The following ALDH3A1 variants were observed in gnomAD, a reference collection of about 807,000 sequenced individuals.
The protein encoded by ALDH3A1 is aldehyde dehydrogenase 3 family member A1, also known as aldehyde dehydrogenase, dimeric NADP-preferring.
ALDH3A1 carries 46 observed loss-of-function variants against 49.9 expected under a neutral mutation model. The ratio of observed to expected loss-of-function variants is 0.92; its 90% CI spans 0.73 to 1.18. ALDH3A1 has a LOEUF of 1.18. Ranked by LOEUF, ALDH3A1 falls within the 50% of genes most tolerant of loss-of-function variation. The probability of loss-of-function intolerance (pLI) is 0.00; values close to 1 mark genes in which losing one functional copy is unlikely to be tolerated. For missense variants in ALDH3A1, 592 were observed against 611.8 expected (o/e 0.97, Z 0.34); for synonymous variants, 269 against 253.3 (o/e 1.06, Z -0.59).
At chr17:19,744,375 C>A (rs896041209) in intron 2 of ALDH3A1, 1 of 965,196 alleles carries the variant, frequency 1.0e-6, no homozygotes, top group Non-Finnish European at 1.2e-6. Flanking sequence ...TACACTCCAG[C>A]CTGGGCGACA....
chr17:19,738,011 C>G lies in ALDH3A1; in HGVS notation c.*210G>C. 2 of 1,488,128 alleles carry G rather than the reference C, an allele frequency of 1.3e-6. No individual in the cohort carries two copies. The highest frequency in any genetic ancestry group is 1.4e-5 in the African/African-American group (1 of 72,010). The allele number at this position is 1,488,128 out of a possible 1,614,324, so 92.2% of individuals were successfully genotyped here. On this transcript the variant is annotated 3_prime_UTR_variant, in exon 11 of 11. Coordinates refer to ENST00000225740, the MANE Select transcript of ALDH3A1 (RefSeq NM_000691.5). Reference sequence around the variant, plus strand: ...TGCTGAGTTAGAAAATTGTATTCGTCTCTTTATTGGTCTAGAAAGGGGTGG... The same window carrying G: ...TGCTGAGTTAGAAAATTGTATTCGTGTCTTTATTGGTCTAGAAAGGGGTGG...
chr17:19,738,372 A>G lies in ALDH3A1; in HGVS notation c.1298T>C (p.Leu433Pro). 1.2e-6 allele frequency: 2 copies of G among 1,613,938 alleles called. No homozygotes were observed. Among genetic ancestry groups the G allele is most frequent in the African/African-American group, 1.3e-5 (1 of 75,048 alleles). ...SHRRSCLVRPLMNDEGLKVRY... is the reference protein window; with the variant it reads ...SHRRSCLVRPPMNDEGLKVRY... ...GACCTTCAGGCCTTCATCATTCATCAGAGGCCTCACCAGGCAAGAGCGGCG... is the reference window on the plus strand; with the variant it reads ...GACCTTCAGGCCTTCATCATTCATCGGAGGCCTCACCAGGCAAGAGCGGCG... Residue 433 changes from leucine to proline, a missense_variant, in exon 10 of 11, where the codon CTG becomes CCG. Transcript: ENST00000225740.
At chr17:19,742,277 G>A in intron 4 of ALDH3A1, 65 bp from the exon 5 acceptor site, 2 of 1,545,738 alleles carry the variant, frequency 1.3e-6, no homozygotes, top group East Asian at 2.3e-5. Context: ...TTGCAAGTGT[G>A]GGTGAGTTGC....
In ALDH3A1 at chr17:19,743,528, G is replaced by A. The variant is rs1339324603; in HGVS notation, c.163-65C>T. Reference sequence around the variant, plus strand: ...CCCGCCTGCAGCTGGGGCGAGTGGGGAGCCCCACTGCTCAGCTGCCAGGGT... The same window carrying A: ...CCCGCCTGCAGCTGGGGCGAGTGGGAAGCCCCACTGCTCAGCTGCCAGGGT... On this transcript the variant is annotated intron_variant, in intron 2 of 10. Coordinates refer to ENST00000225740, the MANE Select transcript of ALDH3A1 (RefSeq NM_000691.5). This position sits in a 1 kb window ranked among gnomAD's most constrained non-coding sequence, Gnocchi z 4.4. The A allele has an allele frequency of 2.0e-6, 3 of 1,527,536 alleles. No homozygotes were observed. In the Admixed American group the frequency reaches 6.1e-5, roughly 31 times the overall value. 94.6% of individuals were successfully genotyped at this position (1,527,536 alleles called of 1,614,324 possible).
intron 1 of ALDH3A1, among the ~76,000 whole-genome samples, chr17:19,746,118 C>T (rs1369823686): frequency 6.6e-6 from 1 of 152,214 alleles, no homozygotes; most frequent in Non-Finnish European, 1.5e-5. Context: ...GGCGCGGTGG[C>T]TCACGCCTAT....
At position 19,745,279 on chromosome 17, in the gene ALDH3A1, G is replaced by T. The variant is rs181118535; in HGVS notation, c.-5-145C>A. On this transcript the variant is annotated intron_variant, in intron 1 of 10. Coordinates refer to ENST00000225740, the MANE Select transcript of ALDH3A1 (RefSeq NM_000691.5). ...CGCTGGAAGGTCCACTTTCTGCCTC[G>T]CCTCCTCTCCCGCCCCTCACTCAGA... The T allele has an allele frequency of 3.5e-5, 30 of 859,924 alleles. No homozygotes were observed. In the Admixed American group the frequency reaches 8.3e-4, roughly 24 times the overall value. 53.3% of individuals were successfully genotyped at this position (859,924 alleles called of 1,614,324 possible). A position where few individuals can be genotyped will look rare whatever the true frequency, so the allele number is the denominator to read the frequency against.
At chr17:19,744,701 C>A in intron 2 of ALDH3A1, 1 of 1,338,328 alleles carries the variant, frequency 7.5e-7, no homozygotes, top group South Asian at 1.8e-5. Flanking sequence ...TTCAGGGTGT[C>A]GGGGCAGCAG....
In ALDH3A1 at chr17:19,742,048, A is replaced by G; in HGVS notation, c.645T>C (p.Ser215=). 1 of 1,613,380 alleles carries G rather than the reference A, an allele frequency of 6.2e-7. No individual in the cohort carries two copies. Among genetic ancestry groups the G allele is most frequent in the Non-Finnish European group, 8.5e-7 (1 of 1,179,896 alleles). The change falls in exon 5 of 11, where the codon AGT becomes AGC. Residue 215 remains serine, a synonymous_variant. Coordinates refer to ENST00000225740, the MANE Select transcript of ALDH3A1 (RefSeq NM_000691.5). ...CACAGTTCTTGTCCACGTAGCAGGG[A>G]CTCTTCCCTCCCAGCTCCAGCGTGA... The part of the protein sequence containing the change: ...TPVTLELGGK[S]PCYVDKNCDL...
In ALDH3A1 at chr17:19,743,413, G is replaced by T; in HGVS notation, c.213C>A (p.Ile71=). ...YEEVVYVLEE[I]EYMIQKLPEW... is the part of the protein sequence containing the mutation. ...CAGGGAGCTTCTGGATCATGTACTCGATCTCCTCTAGGACGTACACCACCT... is the reference window on the plus strand; with the variant it reads ...CAGGGAGCTTCTGGATCATGTACTCTATCTCCTCTAGGACGTACACCACCT... The change falls in exon 3 of 11, where the codon ATC becomes ATA. Residue 71 remains isoleucine, a synonymous_variant. Coordinates refer to ENST00000225740, the MANE Select transcript of ALDH3A1 (RefSeq NM_000691.5). The surrounding 1 kb of genome is among the most constrained non-coding windows in gnomAD (Gnocchi z 4.4). The T allele has an allele frequency of 1.2e-6, 2 of 1,613,964 alleles. No individual in the cohort carries two copies. The highest frequency in any genetic ancestry group is 1.3e-5 in the African/African-American group (1 of 75,028).
Position 19,742,954 on chromosome 17 carries a change from GC to G in ALDH3A1, c.394+277del, listed in dbSNP as rs1567653875. The G allele has an allele frequency of 3.3e-6, 5 of 1,525,732 alleles. No individual in the cohort carries two copies. In the Admixed American group the frequency reaches 9.9e-5, roughly 30 times the overall value. 94.5% of individuals were successfully genotyped at this position (1,525,732 alleles called of 1,614,324 possible). A position where few individuals can be genotyped will look rare whatever the true frequency, so the allele number is the denominator to read the frequency against. ...AGCGCTGGCCCATTCTAGGAAGGAAGCCCTGATGCATATTAGGTGACAGAAG... is the reference window on the plus strand; with the variant it reads ...AGCGCTGGCCCATTCTAGGAAGGAAGCCTGATGCATATTAGGTGACAGAAG... On this transcript the variant is annotated intron_variant, in intron 3 of 10. Coordinates refer to ENST00000225740, the MANE Select transcript of ALDH3A1 (RefSeq NM_000691.5).
intron 9 of ALDH3A1, 114 bp downstream of exon 9, chr17:19,738,882 G>A (rs1263369567): frequency 3.5e-6 from 3 of 859,964 alleles, no homozygotes; most frequent in African/African-American, 1.7e-5. Flanking sequence ...AATGGAAGAG[G>A]CTAATGGGAG....
At position 19,743,208 on chromosome 17, in the gene ALDH3A1, T is replaced by C. The variant is rs117328009; in HGVS notation, c.394+24A>G. On this transcript the variant is annotated intron_variant, in intron 3 of 10. Transcript: ENST00000225740. The surrounding 1 kb of genome is among the most constrained non-coding windows in gnomAD (Gnocchi z 4.4). ...CGCTGGGGGACGGTGCTCCCCCAGC[T>C]TCCCTTCCCACAGGGCCATGCACCT... The C allele has an allele frequency of 1.8e-3, 2,971 of 1,612,724 alleles. 67 individuals are homozygous for C. The East Asian group carries it at 0.05, about 27-fold the overall frequency.
chr17:19,739,640 G>A lies in ALDH3A1; in HGVS notation c.984C>T (p.Ser328=), dbSNP rs560469733. The A allele has an allele frequency of 8.1e-6, 13 of 1,613,900 alleles. No individual in the cohort carries two copies. The East Asian group carries it at 2.5e-4, about 30-fold the overall frequency. Residue 328 remains serine (S), a synonymous_variant, in exon 8 of 11, where the codon TCC becomes TCT. Transcript: ENST00000225740. ...PTILTDVDPQ[S]PVMQEEIFGP... ...CGAAGATCTCCTCTTGCATCACCGG[G>A]GACTGGGGGTCCACGTCCGTGAGGA...
intron 2 of ALDH3A1, chr17:19,744,488 C>G (rs2086561124): frequency 3.0e-6 from 3 of 985,264 alleles, no homozygotes; most frequent in South Asian, 9.4e-5. Flanking sequence ...AGCGCTGGAC[C>G]CCAGGCAGCA....
rs2086519097 is a variant in ALDH3A1, at chr17:19,742,646, A to G, written c.395-16T>C. On this transcript the variant is annotated splice_polypyrimidine_tract_variant and intron_variant, in intron 3 of 10. Coordinates refer to ENST00000225740, the MANE Select transcript of ALDH3A1 (RefSeq NM_000691.5). ...ACTGAGTTCCCTGCAGAGCACACCG[A>G]GCCAGGCCTATGCCCAGGGTACTTC... 6.2e-7 allele frequency: 1 copy of G among 1,613,798 alleles called. No individual in the cohort carries two copies. The highest frequency in any genetic ancestry group is 1.1e-5 in the South Asian group (1 of 91,080).
chr17:19,744,913 A>T, intron 2 of ALDH3A1, 55 bp downstream of exon 2: 2 of 385,588 alleles, frequency 5.2e-6, no homozygotes. Flanking sequence ...CCCTCCCCCC[A>T]CGCCCCATCG....
In ALDH3A1 at chr17:19,738,423, T is replaced by C; in HGVS notation, c.1247A>G (p.Lys416Arg). ...GTGAGAGAAAGTCTCGAAGCTCTTC[T>C]TGCCATGGTAGGATCCCATGCCGCT... ...GNSGMGSYHG[K>R]KSFETFSHRR... The change falls in exon 10 of 11, where the codon AAG becomes AGG. Residue 416 changes from lysine to arginine, a missense_variant. Physicochemically the swap from Lys to Arg is conservative, Grantham distance 26. Transcript: ENST00000225740. The C allele has an allele frequency of 6.2e-7, 1 of 1,613,606 alleles. No individual in the cohort carries two copies. Among genetic ancestry groups the C allele is most frequent in the South Asian group, 1.1e-5 (1 of 91,086 alleles).
At chr17:19,745,327 C>G (rs976684446) in intron 1 of ALDH3A1, 193 bp from the exon 2 acceptor site, 1 of 580,506 alleles carries the variant, frequency 1.7e-6, no homozygotes, top group Middle Eastern at 4.7e-4. Context: ...GGCTGCCTTG[C>G]TAGCCCCTGA....
chr17:19,742,108 G>A lies in ALDH3A1; in HGVS notation c.585C>T (p.Ile195=), dbSNP rs757659230. The change falls in exon 5 of 11, where the codon ATC becomes ATT. Residue 195 remains isoleucine, a synonymous_variant. Coordinates refer to ENST00000225740, the MANE Select transcript of ALDH3A1 (RefSeq NM_000691.5). The stretch of plus-strand genomic sequence containing the variant: ...GGTGCTTGGCAGCAGCCGTCATGAT[G>A]ATCTTCCCCACCCCCGTGCTGCCCG... ...LYTGSTGVGK[I]IMTAAAKHLT... is the part of the protein sequence containing the mutation. 1.2e-6 allele frequency: 2 copies of A among 1,614,018 alleles called. No individual in the cohort carries two copies. Among genetic ancestry groups the A allele is most frequent in the Admixed American group, 1.7e-5 (1 of 60,016 alleles).
Sources: gnomAD v4.1 joint callset for allele counts (sites outside exome capture counted in the v4.1 genomes callset) on GRCh38, gnomAD v4.1.1 for gene constraint, Gnocchi (gnomAD v3.1) non-coding constraint, MANE v1.5 for transcripts, NCBI Gene and HGNC (gene_info 2026-07-23, HGNC 2026-07-21) for gene names.